The following PAX3 variants were observed in gnomAD, a reference collection of about 807,000 sequenced individuals.
PAX3 encodes paired box 3.
A neutral mutation model predicts 51.6 loss-of-function variants in PAX3; 14 were observed. The observed-to-expected ratio is 0.27, with a 90% CI of 0.18 to 0.42. The LOEUF (loss-of-function observed/expected upper bound fraction) is 0.42. Among genes scored for constraint, PAX3 ranks in the 10% least tolerant of loss-of-function variants. The probability of loss-of-function intolerance (pLI) is 1.00; values close to 1 mark genes in which losing one functional copy is unlikely to be tolerated. For synonymous variants in PAX3, 280 were observed against 253.4 expected, an observed-to-expected ratio of 1.11 and a Z score of -1.00; for missense variants, 540 against 642.8, an observed-to-expected ratio of 0.84 and a Z score of 1.73.
chr2:222,275,397 A>G (rs980037808), intron 4 of PAX3, among the ~76,000 whole-genome samples: 1 of 152,134 alleles, frequency 6.6e-6, no homozygotes, highest in East Asian at 1.9e-4. Flanking sequence ...ATGCATGCAA[A>G]TATTAGTTTG....
chr2:222,226,107 G>A (rs971827791), intron 5 of PAX3, among the ~76,000 whole-genome samples: 7 of 152,092 alleles, frequency 4.6e-5, no homozygotes, highest in Admixed American at 6.6e-5. Context: ...TATTCAAGAC[G>A]GATTACTTCA....
chr2:222,201,835 G>T (rs1027769694), intron 8 of PAX3, 109 bp downstream of exon 8: 76 of 1,443,592 alleles, frequency 5.3e-5, no homozygotes, highest in African/African-American at 3.0e-4. Context: ...AAAAAAAATT[G>T]ATACCGGCAT....
chr2:222,224,830 T>TA (rs1238359176), intron 5 of PAX3, among the ~76,000 whole-genome samples: 1 of 152,158 alleles, frequency 6.6e-6, no homozygotes, highest in Non-Finnish European at 1.5e-5. Context: ...ACTTAGTAGT[T>TA]ACACTTTCTA....
chr2:222,280,538 T>C (rs978239870), intron 4 of PAX3, among the ~76,000 whole-genome samples: 2 of 152,196 alleles, frequency 1.3e-5, no homozygotes, highest in Admixed American at 6.5e-5. Context: ...GAGTGAGTAC[T>C]TGCTTTGACC....
chr2:222,267,446 A>AT (rs1288143229), intron 4 of PAX3, among the ~76,000 whole-genome samples: 1 of 152,160 alleles, frequency 6.6e-6, no homozygotes, highest in Non-Finnish European at 1.5e-5. Context: ...TATGCTATGT[A>AT]TTTTTTTAAA....
intron 7 of PAX3, among the ~76,000 whole-genome samples, chr2:222,202,925 TA>T (rs1446912089): frequency 6.7e-6 from 1 of 148,308 alleles, no homozygotes; most frequent in African/African-American, 2.5e-5. Flanking sequence ...TGACACATAT[TA>T]AGTGCCGAAT....
At chr2:222,291,179 C>G (rs898630395) in intron 4 of PAX3, among the ~76,000 whole-genome samples, 1 of 152,138 alleles carries the variant, frequency 6.6e-6, no homozygotes, top group Non-Finnish European at 1.5e-5. Context: ...ATTGAGCGGC[C>G]GCTGCGCAGG....
chr2:222,213,691 G>A (rs1293004992), intron 7 of PAX3, among the ~76,000 whole-genome samples: 1 of 152,124 alleles, frequency 6.6e-6, no homozygotes, highest in Non-Finnish European at 1.5e-5. Flanking sequence ...TAAATTCCTG[G>A]AAAGTGTAAA....
chr2:222,232,968 C>T (rs1159549534), intron 4 of PAX3: 1 of 151,538 alleles, frequency 6.6e-6, no homozygotes, highest in Middle Eastern at 3.2e-3. Flanking sequence ...CTAGAACTGA[C>T]CTGAGAAGAA....
At chr2:222,271,038 T>C (rs1694234035) in intron 4 of PAX3, among the ~76,000 whole-genome samples, 1 of 152,216 alleles carries the variant, frequency 6.6e-6, no homozygotes, top group Admixed American at 6.5e-5. Context: ...AAATAATACT[T>C]TATATTTGCT....
At chr2:222,285,983 G>T (rs548624249) in intron 4 of PAX3, among the ~76,000 whole-genome samples, 1 of 152,124 alleles carries the variant, frequency 6.6e-6, no homozygotes, top group South Asian at 2.1e-4. Flanking sequence ...TGTCATCCAG[G>T]CTGAAGTGCA....
chr2:222,263,012 A>G (rs926295113), intron 4 of PAX3: 5 of 152,220 alleles, frequency 3.3e-5, no homozygotes, highest in Admixed American at 2.0e-4. Context: ...AACTAAATGT[A>G]AAGTCTATAT....
intron 4 of PAX3, among the ~76,000 whole-genome samples, chr2:222,272,730 C>G (rs1694296392): frequency 6.6e-6 from 1 of 152,204 alleles, no homozygotes; most frequent in African/African-American, 2.4e-5. Context: ...ATAAAAGCAG[C>G]TAAATCTTTT....
chr2:222,257,008 G>A (rs1348681629), intron 4 of PAX3, among the ~76,000 whole-genome samples: 2 of 152,152 alleles, frequency 1.3e-5, no homozygotes, highest in African/African-American at 4.8e-5. Flanking sequence ...GGTAAAATCT[G>A]GGAAATAGTC....
At chr2:222,242,318 A>G (rs1444906048) in intron 4 of PAX3, 1 of 152,170 alleles carries the variant, frequency 6.6e-6, no homozygotes, top group African/African-American at 2.4e-5. Context: ...TTTTACCATT[A>G]TGGACAAAAT....
intron 4 of PAX3, among the ~76,000 whole-genome samples, chr2:222,244,549 C>G (rs1336339564): frequency 6.6e-6 from 1 of 152,086 alleles, no homozygotes; most frequent in East Asian, 1.9e-4. Context: ...ACCAGTCCTA[C>G]CAGGCATAAG....
intron 4 of PAX3, among the ~76,000 whole-genome samples, chr2:222,244,397 C>G (rs1693136731): frequency 6.6e-6 from 1 of 152,184 alleles, no homozygotes; most frequent in Non-Finnish European, 1.5e-5. Flanking sequence ...ATTTTCTCAT[C>G]AGCAAAGTAG....
intron 4 of PAX3, among the ~76,000 whole-genome samples, chr2:222,284,612 CGT>C (rs71053066): frequency 0.037 from 5,622 of 150,382 alleles, 108 homozygotes; most frequent in Middle Eastern, 0.068. Context: ...TGTCTGTGTG[CGT>C]GTGTGTGTGT....
chr2:222,212,287 A>G (rs1256571805), intron 7 of PAX3, among the ~76,000 whole-genome samples: 2 of 152,148 alleles, frequency 1.3e-5, no homozygotes, highest in Non-Finnish European at 2.9e-5. Flanking sequence ...TTTTTGTGAG[A>G]AAAAAGAAGA....
Sources: gnomAD v4.1 joint callset for allele counts (sites outside exome capture counted in the v4.1 genomes callset) on GRCh38, gnomAD v4.1.1 for gene constraint, MANE v1.5 for transcripts, NCBI Gene and HGNC (gene_info 2026-07-23, HGNC 2026-07-21) for gene names.